SUN2: variants seen among roughly 807,000 people sequenced by gnomAD.
SUN2 encodes the protein SUN domain-containing protein 2.
In SUN2, 60 loss-of-function variants were observed where a neutral mutation model predicts 100.0. That is an observed-to-expected ratio of 0.60 (90% CI 0.49 to 0.74). The LOEUF (loss-of-function observed/expected upper bound fraction) is 0.74, where lower values mean the gene tolerates loss of function less well. SUN2 is among the 30% of genes least tolerant of loss of function. SUN2 has a pLI of 0.00. For synonymous variants in SUN2, 367 were observed against 403.3 expected, an observed-to-expected ratio of 0.91 and a Z score of 1.08; for missense variants, 834 against 954.6, an observed-to-expected ratio of 0.87 and a Z score of 1.66.
In SUN2 at chr22:38,740,527, CAG is replaced by C; in HGVS notation, c.1191-97_1191-96del. The C allele has an allele frequency of 7.5e-7, 1 of 1,332,612 alleles. No homozygotes were observed. The highest frequency in any genetic ancestry group is 3.3e-5 in the Admixed American group (1 of 30,528). 82.5% of individuals were successfully genotyped at this position (1,332,612 alleles called of 1,614,324 possible). On this transcript the variant is annotated intron_variant, in intron 11 of 17. Coordinates refer to ENST00000689035, the MANE Select transcript of SUN2 (RefSeq NM_015374.3). The surrounding 1 kb of genome is among the most constrained non-coding windows in gnomAD (Gnocchi z 4.8). ...AGAGGACCCCCTAGTGGGCTCCCGTCAGGAGAGCGGGTGCCCAGCACTCATTG... is the reference window on the plus strand; with the variant it reads ...AGAGGACCCCCTAGTGGGCTCCCGTCGAGAGCGGGTGCCCAGCACTCATTG...
At position 38,755,499 on chromosome 22, in the gene SUN2, C is replaced by T; in HGVS notation, c.-38+264G>A. The T allele has an allele frequency of 1.0e-6, 1 of 986,618 alleles. No individual in the cohort carries two copies. Among genetic ancestry groups the T allele is most frequent in the Non-Finnish European group, 1.2e-6 (1 of 830,564 alleles). The allele number at this position is 986,618 out of a possible 1,614,324, so 61.1% of individuals were successfully genotyped here. On this transcript the variant is annotated intron_variant, in intron 1 of 17. Coordinates refer to ENST00000689035, the MANE Select transcript of SUN2 (RefSeq NM_015374.3). This position sits in a 1 kb window ranked among gnomAD's most constrained non-coding sequence, Gnocchi z 5.7. ...GGTTGGGGCAGTCGGCCTTTGCCCT[C>T]CTCCTCCCGGGAGGCTGCCCGGGAA... is the stretch of plus-strand genomic sequence containing the variant.
chr22:38,736,486 T>A, intron 17 of SUN2, 106 bp from the exon 18 acceptor site: 1 of 839,446 alleles, frequency 1.2e-6, no homozygotes, highest in Non-Finnish European at 1.8e-6. Context: ...ATGGCTCCCC[T>A]GCTCCTTCCC....
chr22:38,738,951 G>A lies in SUN2; in HGVS notation c.1701C>T (p.Tyr567=), dbSNP rs8138622. Residue 567 remains tyrosine (Y), a synonymous_variant, in exon 15 of 18, where the codon TAC becomes TAT. Coordinates refer to ENST00000689035, the MANE Select transcript of SUN2 (RefSeq NM_015374.3). This position sits in a 1 kb window ranked among gnomAD's most constrained non-coding sequence, Gnocchi z 6.6. ...GGCTGAGGAGGGCCGTCTTGGTCTC[G>A]TAGGTCTCAGAACATCGGGTGCTGA... The part of the protein sequence containing the change: ...SVISTRCSET[Y]ETKTALLSLF... The A allele has an allele frequency of 1.6e-3, 2,648 of 1,613,650 alleles. 49 individuals carry two copies. The African/African-American group carries it at 0.031, about 19-fold the overall frequency.
In SUN2 at chr22:38,738,513, A is replaced by C. The variant is rs2092826763; in HGVS notation, c.1947+74T>G. 8 of 1,555,718 alleles carry C rather than the reference A, an allele frequency of 5.1e-6. No homozygotes were observed. The South Asian group carries it at 9.4e-5, about 18-fold the overall frequency. On this transcript the variant is annotated intron_variant, in intron 16 of 17. Transcript: ENST00000689035. The surrounding 1 kb of genome is among the most constrained non-coding windows in gnomAD (Gnocchi z 6.6). ...CCCTTCCAGTCCAAGGGTGACCCTG[A>C]CTTGATCCTCAGTAGAGAGGCCCAC...
intron 2 of SUN2, among the ~76,000 whole-genome samples, chr22:38,752,105 G>C (rs1367732035): frequency 6.6e-6 from 1 of 152,234 alleles, no homozygotes; most frequent in African/African-American, 2.4e-5. Context: ...CTCCTGAGTA[G>C]CTGGGATTAC....
rs950451110 is a variant in SUN2 at position 38,739,595 on chromosome 22, A to G, written c.1578+127T>C. On this transcript the variant is annotated intron_variant, in intron 13 of 17. Transcript: ENST00000689035. This position sits in a 1 kb window ranked among gnomAD's most constrained non-coding sequence, Gnocchi z 6.7. ...CACCCACCCATGCCAGCCCCACAGCATGCAAAGCCTCCTGCTTGGCACTTC... is the reference window on the plus strand; with the variant it reads ...CACCCACCCATGCCAGCCCCACAGCGTGCAAAGCCTCCTGCTTGGCACTTC... 3 of 1,317,688 alleles carry G rather than the reference A, an allele frequency of 2.3e-6. No homozygotes were observed. Among genetic ancestry groups the G allele is most frequent in the African/African-American group, 2.9e-5 (2 of 68,800 alleles). The allele number at this position is 1,317,688 out of a possible 1,614,324, so 81.6% of individuals were successfully genotyped here.
In SUN2 at chr22:38,735,359, A is replaced by G; in HGVS notation, c.*908T>C. The G allele has an allele frequency of 2.5e-6, 1 of 398,874 alleles. No homozygotes were observed. The highest frequency in any genetic ancestry group is 4.9e-6 in the Non-Finnish European group (1 of 202,518). The allele number at this position is 398,874 out of a possible 1,614,324, so 24.7% of individuals were successfully genotyped here. A position where few individuals can be genotyped will look rare whatever the true frequency, so the allele number is the denominator to read the frequency against. On this transcript the variant is annotated 3_prime_UTR_variant, in exon 18 of 18. Coordinates refer to ENST00000689035, the MANE Select transcript of SUN2 (RefSeq NM_015374.3). The stretch of plus-strand genomic sequence containing the variant: ...ACAGACCTCGCACCCCGATACCCTG[A>G]ACGTCCCCACAAGAGCCCAGGAGTT...
Position 38,740,469 on chromosome 22 carries a change from T to G in SUN2, c.1191-37A>C. The G allele has an allele frequency of 7.0e-7, 1 of 1,434,700 alleles. No homozygotes were observed. The highest frequency in any genetic ancestry group is 9.2e-7 in the Non-Finnish European group (1 of 1,086,032). 88.9% of individuals were successfully genotyped at this position (1,434,700 alleles called of 1,614,324 possible). A position where few individuals can be genotyped will look rare whatever the true frequency, so the allele number is the denominator to read the frequency against. Reference sequence around the variant, plus strand: ...GAGAGAAGAGTAAGCCTCGGATCTCTTTGGTGGGAGGTAAGGCCACACCAA... The same window carrying G: ...GAGAGAAGAGTAAGCCTCGGATCTCGTTGGTGGGAGGTAAGGCCACACCAA... On this transcript the variant is annotated intron_variant, in intron 11 of 17. Transcript: ENST00000689035. This position sits in a 1 kb window ranked among gnomAD's most constrained non-coding sequence, Gnocchi z 4.8.
chr22:38,755,728 C>T lies in SUN2; in HGVS notation c.-38+35G>A, dbSNP rs982038640. 3.0e-6 allele frequency: 3 copies of T among 984,906 alleles called. No individual in the cohort carries two copies. The highest frequency in any genetic ancestry group is 6.2e-5 in the Admixed American group (1 of 16,234). 61.0% of individuals were successfully genotyped at this position (984,906 alleles called of 1,614,324 possible). On this transcript the variant is annotated intron_variant, in intron 1 of 17. Transcript: ENST00000689035. The surrounding 1 kb of genome is among the most constrained non-coding windows in gnomAD (Gnocchi z 5.7). ...GACCCGGGGTCAGGCCGGGCCGCGG[C>T]CCCCCAACCCTCTCCTGAGCTCGCC...
chr22:38,747,362 T>C (rs1179941940), intron 7 of SUN2, among the ~76,000 whole-genome samples: 1 of 151,894 alleles, frequency 6.6e-6, no homozygotes, highest in Middle Eastern at 3.2e-3. Flanking sequence ...GAAGAATCAT[T>C]ATTATTTTAA....
chr22:38,740,395 C>T lies in SUN2; in HGVS notation c.1228G>A (p.Glu410Lys). The T allele has an allele frequency of 6.4e-7, 1 of 1,572,188 alleles. No individual in the cohort carries two copies. The highest frequency in any genetic ancestry group is 8.6e-7 in the Non-Finnish European group (1 of 1,157,562). Reference protein sequence around the residue: ...QESFQESSVKELRRLEDQLAG... With the variant: ...QESFQESSVKKLRRLEDQLAG... ...AGCTGGTCCTCCAGCCGCCTCAGCT[C>T]CTTCACAGAGCTCTCCTGGAAGGAC... Residue 410 changes from glutamate (E) to lysine (K), a missense_variant, in exon 12 of 18, where the codon GAG becomes AAG. By Grantham distance (56) the Glu-to-Lys change is moderately conservative (BLOSUM62 1). This residue lies in a region of SUN2 where 559 missense variants were observed against 597.7 expected (regional missense o/e 0.94). Coordinates refer to ENST00000689035, the MANE Select transcript of SUN2 (RefSeq NM_015374.3). This position sits in a 1 kb window ranked among gnomAD's most constrained non-coding sequence, Gnocchi z 4.8.
chr22:38,752,896 G>A (rs899365116), intron 1 of SUN2, among the ~76,000 whole-genome samples: 3 of 152,218 alleles, frequency 2.0e-5, no homozygotes, highest in Non-Finnish European at 4.4e-5. Context: ...GGCTCACTTC[G>A]TGACTCTGGA....
Position 38,748,706 on chromosome 22 carries a change from G to A in SUN2, c.685+7C>T, listed in dbSNP as rs776999272. ...TGCCTCCCTCTGCTCTCCCCATGCA[G>A]GCTCACCATACGTCAGGCACGTCAG... On this transcript the variant is annotated splice_region_variant and intron_variant, in intron 7 of 17. Transcript: ENST00000689035. The A allele has an allele frequency of 2.5e-6, 4 of 1,614,108 alleles. No homozygotes were observed. In the South Asian group the frequency reaches 4.4e-5, roughly 18 times the overall value.
chr22:38,755,505 C>T lies in SUN2; in HGVS notation c.-38+258G>A. On this transcript the variant is annotated intron_variant, in intron 1 of 17. Transcript: ENST00000689035. This position sits in a 1 kb window ranked among gnomAD's most constrained non-coding sequence, Gnocchi z 5.7. ...GGCAGTCGGCCTTTGCCCTCCTCCTCCCGGGAGGCTGCCCGGGAAGTCCCG... is the reference window on the plus strand; with the variant it reads ...GGCAGTCGGCCTTTGCCCTCCTCCTTCCGGGAGGCTGCCCGGGAAGTCCCG... 1 of 985,622 alleles carries T rather than the reference C, an allele frequency of 1.0e-6. No homozygotes were observed. The highest frequency in any genetic ancestry group is 4.6e-5 in the South Asian group (1 of 21,510). 61.1% of individuals were successfully genotyped at this position (985,622 alleles called of 1,614,324 possible). A position where few individuals can be genotyped will look rare whatever the true frequency, so the allele number is the denominator to read the frequency against.
At position 38,738,195 on chromosome 22, in the gene SUN2, G is replaced by A. The variant is rs2092823799; in HGVS notation, c.2018C>T (p.Pro673Leu). ...TACCTGAAAGTGAAACGTCTGAATA[G>A]GCTCGCCGTCCTGATCGTAAGTGAA... ...GKFTYDQDGE[P>L]IQTFHFQAPT... Residue 673 changes from proline (P) to leucine (L), a missense_variant, in exon 17 of 18, where the codon CCT (proline) becomes CTT (leucine). Pro to Leu is a moderately conservative substitution (Grantham distance 98, BLOSUM62 -3). Around this residue, in one of 3 missense-constraint regions of SUN2, gnomAD observed 80 missense variants for 76.7 expected, o/e 1.04. Coordinates refer to ENST00000689035, the MANE Select transcript of SUN2 (RefSeq NM_015374.3). The surrounding 1 kb of genome is among the most constrained non-coding windows in gnomAD (Gnocchi z 6.6). 2 of 1,613,854 alleles carry A rather than the reference G, an allele frequency of 1.2e-6. No individual in the cohort carries two copies. The highest frequency in any genetic ancestry group is 8.5e-7 in the Non-Finnish European group (1 of 1,180,010).
intron 8 of SUN2, 138 bp from the exon 9 acceptor site, chr22:38,742,693 G>A (rs1310557885): frequency 1.0e-5 from 12 of 1,182,750 alleles, no homozygotes; most frequent in African/African-American, 1.6e-5. Context: ...ATGCAGGGCC[G>A]GCTGGAGCTC....
Position 38,745,636 on chromosome 22 carries a change from A to G in SUN2, c.813+48T>C, listed in dbSNP as rs142270367. On this transcript the variant is annotated intron_variant, in intron 8 of 17. Coordinates refer to ENST00000689035, the MANE Select transcript of SUN2 (RefSeq NM_015374.3). ...GGGCGCACCCACCACTTTCACCGTC[A>G]CCTAATTATTGCTAAGCTCTTGGGA... 542 of 1,603,610 alleles carry G rather than the reference A, an allele frequency of 3.4e-4. 2 individuals carry two copies. In the African/African-American group the frequency reaches 6.7e-3, roughly 20 times the overall value.
Position 38,740,978 on chromosome 22 carries a change from G to C in SUN2, c.1190+29C>G. The C allele has an allele frequency of 6.3e-7, 1 of 1,577,938 alleles. No homozygotes were observed. The highest frequency in any genetic ancestry group is 2.3e-5 in the East Asian group (1 of 43,106). ...GAGTGGGTGGGGCTGGGGAGGAGCA[G>C]GCCGAGGCCAGCTGGTGGCGCCCAG... On this transcript the variant is annotated intron_variant, in intron 11 of 17. Coordinates refer to ENST00000689035, the MANE Select transcript of SUN2 (RefSeq NM_015374.3). The surrounding 1 kb of genome is among the most constrained non-coding windows in gnomAD (Gnocchi z 4.8).
At chr22:38,749,515 A>G (rs901934558) in intron 6 of SUN2, among the ~76,000 whole-genome samples, 1 of 152,184 alleles carries the variant, frequency 6.6e-6, no homozygotes, top group Non-Finnish European at 1.5e-5. Context: ...GAATGTGTCC[A>G]AGAAGAAATA....
Sources: gnomAD v4.1 joint callset for allele counts (sites outside exome capture counted in the v4.1 genomes callset) on GRCh38, gnomAD v4.1.1 for gene constraint, gnomAD v4.1.1 regional missense constraint, Gnocchi (gnomAD v3.1) non-coding constraint, MANE v1.5 for transcripts, NCBI Gene and HGNC (gene_info 2026-07-23, HGNC 2026-07-21) for gene names.